The following ADGRG7 variants were observed in gnomAD, a reference collection of about 807,000 sequenced individuals.
The protein encoded by ADGRG7 is adhesion G protein-coupled receptor G7, also known as G-protein coupled receptor 128.
Under a neutral mutation model 88.6 loss-of-function variants are expected in ADGRG7, and 82 were observed. That is an observed-to-expected ratio of 0.93 (90% CI 0.77 to 1.11). The LOEUF is 1.11. Ranked by LOEUF, ADGRG7 falls within the 50% of genes most tolerant of loss-of-function variation. The probability of loss-of-function intolerance (pLI) is 0.00; values close to 1 mark genes in which losing one functional copy is unlikely to be tolerated. For synonymous variants in ADGRG7, 381 were observed against 345.2 expected (o/e 1.10, Z -1.15); for missense variants, 945 against 953.4 (o/e 0.99, Z 0.12).
chr3:100,682,459 C>A (rs1401445333), intron 15 of ADGRG7, among the ~76,000 whole-genome samples: 2 of 152,220 alleles, frequency 1.3e-5, no homozygotes, highest in African/African-American at 2.4e-5. Context: ...CAAGTTCCTG[C>A]GCCTGGGGAA....
chr3:100,676,190 G>A (rs1437948534), intron 15 of ADGRG7, among the ~76,000 whole-genome samples: 1 of 151,818 alleles, frequency 6.6e-6, no homozygotes, highest in Non-Finnish European at 1.5e-5. Context: ...TGCATCATTA[G>A]GTTGTTTATT....
intron 15 of ADGRG7, among the ~76,000 whole-genome samples, chr3:100,669,415 T>G (rs1467024384): frequency 6.6e-6 from 1 of 151,220 alleles, no homozygotes; most frequent in African/African-American, 2.4e-5. Context: ...TACTGTAATC[T>G]CCTCCTGTAG....
At chr3:100,648,049 C>T (rs1045870388) in intron 10 of ADGRG7, among the ~76,000 whole-genome samples, 1 of 152,218 alleles carries the variant, frequency 6.6e-6, no homozygotes, top group Non-Finnish European at 1.5e-5. Context: ...GAGAGATCTG[C>T]CTTCTCAATC....
At chr3:100,610,234 T>C (rs530782417) in intron 1 of ADGRG7, among the ~76,000 whole-genome samples, 2 of 152,288 alleles carry the variant, frequency 1.3e-5, no homozygotes, top group South Asian at 2.1e-4. Flanking sequence ...CCAGACTGAA[T>C]TGGTAGAAGA....
At chr3:100,657,940 A>T (rs1250167546) in intron 13 of ADGRG7, among the ~76,000 whole-genome samples, 1 of 152,238 alleles carries the variant, frequency 6.6e-6, no homozygotes, top group Admixed American at 6.5e-5. Context: ...TTTCACGTGT[A>T]TAATAATGGT....
Position 100,610,026 on chromosome 3 carries a change from T to C in ADGRG7, c.115+55T>C, listed in dbSNP as rs1707124465. 10 of 1,404,828 alleles carry C rather than the reference T, an allele frequency of 7.1e-6. 1 individual carries two copies. The South Asian group carries it at 1.0e-4, about 15-fold the overall frequency. 87.0% of individuals were successfully genotyped at this position (1,404,828 alleles called of 1,614,324 possible). A position where few individuals can be genotyped will look rare whatever the true frequency, so the allele number is the denominator to read the frequency against. On this transcript the variant is annotated intron_variant, in intron 1 of 15. Coordinates refer to ENST00000273352, the MANE Select transcript of ADGRG7 (RefSeq NM_032787.3). ...AGTAAGAGAAGGTATGGGACCTCTG[T>C]CCCTGCCACCTGGTGCACAAGTACT...
chr3:100,626,583 G>A (rs138150413), intron 1 of ADGRG7, among the ~76,000 whole-genome samples: 46 of 152,156 alleles, frequency 3.0e-4, no homozygotes, highest in Admixed American at 2.9e-3. Context: ...TCAGGAGTTC[G>A]AGACCAGCCT....
At chr3:100,659,082 A>T (rs956804689) in intron 13 of ADGRG7, among the ~76,000 whole-genome samples, 3 of 152,188 alleles carry the variant, frequency 2.0e-5, no homozygotes, top group Admixed American at 1.3e-4. Flanking sequence ...AACACAAAAC[A>T]GGTACAATGA....
At chr3:100,618,133 T>C (rs1576311327) in intron 1 of ADGRG7, among the ~76,000 whole-genome samples, 1 of 152,258 alleles carries the variant, frequency 6.6e-6, no homozygotes, top group East Asian at 1.9e-4. Flanking sequence ...GTCAGATGAG[T>C]AGATTGCAAA....
At chr3:100,652,123 C>G (rs772920081) in intron 11 of ADGRG7, among the ~76,000 whole-genome samples, 3 of 152,034 alleles carry the variant, frequency 2.0e-5, no homozygotes, top group Non-Finnish European at 4.4e-5. Flanking sequence ...AGACTCTAAT[C>G]TTACTTTTAT....
At chr3:100,677,718 C>T (rs1158917038) in intron 15 of ADGRG7, among the ~76,000 whole-genome samples, 2 of 152,004 alleles carry the variant, frequency 1.3e-5, no homozygotes, top group East Asian at 1.9e-4. Context: ...AGAAGTTTTT[C>T]CCTTCATCAC....
In ADGRG7 at chr3:100,688,868, A is replaced by G. The variant is rs2094987984; in HGVS notation, c.2137-5876A>G. The stretch of plus-strand genomic sequence containing the variant: ...TGTATATTCTGTTGATTTGGGGTGG[A>G]GAGTTCTGTAGATGTCTATTAGGTC... On this transcript the variant is annotated intron_variant, in intron 15 of 15. Transcript: ENST00000273352. 3.3e-5 allele frequency among the ~76,000 whole-genome samples: 5 copies of G among 152,172 alleles called. No homozygotes were observed. The South Asian group carries it at 1.0e-3, about 32-fold the overall frequency.
chr3:100,674,800 A>G (rs564185640), intron 15 of ADGRG7, among the ~76,000 whole-genome samples: 2 of 152,132 alleles, frequency 1.3e-5, no homozygotes, highest in African/African-American at 4.8e-5. Flanking sequence ...GATGGTATCG[A>G]TCTCCTGACC....
At chr3:100,649,849 T>A (rs775262698) in intron 11 of ADGRG7, 42 bp downstream of exon 11, 3 of 1,059,876 alleles carry the variant, frequency 2.8e-6, no homozygotes, top group Non-Finnish European at 4.4e-6. Context: ...GAAATTGCTA[T>A]CTTGATATAA....
At position 100,637,551 on chromosome 3, in the gene ADGRG7, A is replaced by C. The variant is rs910206609; in HGVS notation, c.698+149A>C. On this transcript the variant is annotated intron_variant, in intron 6 of 15. Coordinates refer to ENST00000273352, the MANE Select transcript of ADGRG7 (RefSeq NM_032787.3). The stretch of plus-strand genomic sequence containing the variant: ...ATGTAGATAAGAGCTGTGACTTTCC[A>C]CTTGACCTTTAGTTACTAGATGGAG... The C allele has an allele frequency of 6.5e-6, 4 of 616,386 alleles. No individual in the cohort carries two copies. The African/African-American group carries it at 7.4e-5, about 11-fold the overall frequency. The allele number at this position is 616,386 out of a possible 1,614,324, so 38.2% of individuals were successfully genotyped here. A position where few individuals can be genotyped will look rare whatever the true frequency, so the allele number is the denominator to read the frequency against.
chr3:100,695,016 C>G lies in ADGRG7; in HGVS notation c.*15C>G, dbSNP rs905896609. ...AAAGCATCTAGACAGTAAAACTTAC[C>G]TGTTGTGGTCTTTTTAATCACCTCG... On this transcript the variant is annotated 3_prime_UTR_variant, in exon 16 of 16. Transcript: ENST00000273352. 6.2e-7 allele frequency: 1 copy of G among 1,602,058 alleles called. No homozygotes were observed. The highest frequency in any genetic ancestry group is 8.5e-7 in the Non-Finnish European group (1 of 1,173,138).
intron 9 of ADGRG7, chr3:100,646,309 T>C (rs1347209966): frequency 1.6e-6 from 1 of 609,470 alleles, no homozygotes; most frequent in Non-Finnish European, 2.8e-6. Context: ...AAGAAATCTA[T>C]AGCAAAACTC....
At chr3:100,628,334 C>T (rs1466056146) in intron 1 of ADGRG7, among the ~76,000 whole-genome samples, 1 of 151,540 alleles carries the variant, frequency 6.6e-6, no homozygotes, top group Non-Finnish European at 1.5e-5. Flanking sequence ...CAATCTATTC[C>T]ATCATTATTG....
At chr3:100,612,281 A>G (rs1707165337) in intron 1 of ADGRG7, among the ~76,000 whole-genome samples, 1 of 152,176 alleles carries the variant, frequency 6.6e-6, no homozygotes, top group Admixed American at 6.5e-5. Context: ...ATTTGGCAGT[A>G]AACACTGATG....
Sources: gnomAD v4.1 joint callset for allele counts (sites outside exome capture counted in the v4.1 genomes callset) on GRCh38, gnomAD v4.1.1 for gene constraint, MANE v1.5 for transcripts, NCBI Gene and HGNC (gene_info 2026-07-23, HGNC 2026-07-21) for gene names.